The following RELN variants were observed in gnomAD, a reference collection of about 807,000 sequenced individuals.
RELN encodes the protein reelin.
A neutral mutation model predicts 427.6 loss-of-function variants in RELN; 108 were observed. The ratio of observed to expected loss-of-function variants is 0.25; its 90% CI spans 0.22 to 0.30. The LOEUF (loss-of-function observed/expected upper bound fraction) is 0.30. Among genes scored for constraint, RELN ranks in the 10% least tolerant of loss-of-function variants. The pLI is 1.00. For missense variants in RELN, 3,715 were observed against 4,302.8 expected (o/e 0.86, Z 3.82); for synonymous variants, 1,524 against 1,513.4 (o/e 1.01, Z -0.16).
intron 8 of RELN, among the ~76,000 whole-genome samples, chr7:103,714,434 A>G (rs943307398): frequency 1.3e-5 from 2 of 152,194 alleles, no homozygotes; most frequent in Admixed American, 6.5e-5. Context: ...TATTTTACCA[A>G]TTCTCTGATC....
chr7:103,509,815 C>A (rs1032567919), intron 51 of RELN, among the ~76,000 whole-genome samples: 3 of 151,502 alleles, frequency 2.0e-5, no homozygotes, highest in African/African-American at 7.3e-5. Context: ...AAAAAAACAT[C>A]AAAAAGTGGT....
chr7:103,577,558 CAAAA>C (rs11323336), intron 28 of RELN, among the ~76,000 whole-genome samples: 4 of 113,584 alleles, frequency 3.5e-5, no homozygotes, highest in East Asian at 2.9e-4. Context: ...AAAGCAAAAG[CAAAA>C]AAAAAAAAAA....
chr7:103,682,280 C>T lies in RELN; in HGVS notation c.1144-19G>A. 6.2e-7 allele frequency: 1 copy of T among 1,613,712 alleles called. No homozygotes were observed. The highest frequency in any genetic ancestry group is 8.5e-7 in the Non-Finnish European group (1 of 1,179,738). On this transcript the variant is annotated intron_variant, in intron 10 of 64. Coordinates refer to ENST00000428762, the MANE Select transcript of RELN (RefSeq NM_005045.4). ...AGCTATGCTGTAGGTGAAAAGAGAG[C>T]ACGGGGTGGCTGTTGAATTGGTGTT...
intron 28 of RELN, among the ~76,000 whole-genome samples, chr7:103,584,780 G>A (rs1272141059): frequency 6.6e-6 from 1 of 152,098 alleles, no homozygotes; most frequent in Non-Finnish European, 1.5e-5. Flanking sequence ...TCTGCACATG[G>A]AACATTCTCA....
intron 20 of RELN, among the ~76,000 whole-genome samples, chr7:103,616,982 C>T (rs1467739293): frequency 1.3e-5 from 2 of 152,208 alleles, no homozygotes; most frequent in East Asian, 1.9e-4. Context: ...GTCAAGCTGC[C>T]CTCCAAAAAG....
chr7:103,707,309 G>A (rs1190114627), intron 8 of RELN, among the ~76,000 whole-genome samples: 2 of 151,776 alleles, frequency 1.3e-5, no homozygotes, highest in East Asian at 1.9e-4. Context: ...AAGAAACTAT[G>A]GAAAGGCACT....
In RELN at chr7:103,791,202, A is replaced by G. The variant is rs184592823; in HGVS notation, c.474-14575T>C. Reference sequence around the variant, plus strand: ...ACTACCTAAATGGATCTACAGATTCAGCATGATACCTCTCAAAATCTCAGC... The same window carrying G: ...ACTACCTAAATGGATCTACAGATTCGGCATGATACCTCTCAAAATCTCAGC... On this transcript the variant is annotated intron_variant, in intron 3 of 64. Transcript: ENST00000428762. Among the ~76,000 whole-genome samples, 5 of 152,332 alleles carry G rather than the reference A, an allele frequency of 3.3e-5. No homozygotes were observed. In the East Asian group the frequency reaches 9.6e-4, roughly 29 times the overall value.
intron 57 of RELN, among the ~76,000 whole-genome samples, chr7:103,494,595 G>C (rs1438297220): frequency 6.7e-6 from 1 of 148,700 alleles, no homozygotes; most frequent in Admixed American, 6.7e-5. Context: ...ATGTTTCCCA[G>C]GATGGTCTTG....
chr7:103,970,543 T>C (rs1482490153), intron 1 of RELN, among the ~76,000 whole-genome samples: 1 of 152,178 alleles, frequency 6.6e-6, no homozygotes, highest in Admixed American at 6.5e-5. Flanking sequence ...CTCCCAAGGA[T>C]AGTGCTGAAA....
rs368509636 is a variant in RELN at position 103,558,178 on chromosome 7, C to T, written c.5530-129G>A. 144 of 638,552 alleles carry T rather than the reference C, an allele frequency of 2.3e-4. 2 individuals are homozygous for T. The South Asian group carries it at 2.4e-3, about 11-fold the overall frequency. 39.6% of individuals were successfully genotyped at this position (638,552 alleles called of 1,614,324 possible). A position where few individuals can be genotyped will look rare whatever the true frequency, so the allele number is the denominator to read the frequency against. On this transcript the variant is annotated intron_variant, in intron 36 of 64. Transcript: ENST00000428762. ...ATCATGATCAAGAAGCAAATTTTGC[C>T]TAGTTTAAAAGGAAAAATGGGATGA...
At chr7:103,512,440 T>C (rs1474741956) in intron 50 of RELN, among the ~76,000 whole-genome samples, 6 of 152,238 alleles carry the variant, frequency 3.9e-5, no homozygotes, top group African/African-American at 1.2e-4. Flanking sequence ...TCTGGATAGA[T>C]ATTTCTTTTA....
At chr7:103,762,901 C>T (rs181801598) in intron 4 of RELN, among the ~76,000 whole-genome samples, 5 of 152,108 alleles carry the variant, frequency 3.3e-5, no homozygotes, top group East Asian at 3.9e-4. Context: ...AGATGACAAA[C>T]GAGGGTAGAA....
intron 2 of RELN, among the ~76,000 whole-genome samples, chr7:103,888,827 A>G (rs1050681211): frequency 2.0e-5 from 3 of 152,226 alleles, no homozygotes; most frequent in African/African-American, 7.2e-5. Flanking sequence ...CACAAACTAC[A>G]CAACACTGCG....
rs376938520 is a variant in RELN at position 103,832,394 on chromosome 7, C to T, written c.473+1143G>A. 1.6e-4 allele frequency among the ~76,000 whole-genome samples: 25 copies of T among 151,774 alleles called. No individual in the cohort carries two copies. In the East Asian group the frequency reaches 4.3e-3, roughly 26 times the overall value. ...CAGGGACAGTTCTAGACAGTTGGGA[C>T]AAATCAGTGAAGAAAAAACAAAAAC... On this transcript the variant is annotated intron_variant, in intron 3 of 64. Transcript: ENST00000428762.
At chr7:103,720,487 A>G (rs62482643) in intron 8 of RELN, among the ~76,000 whole-genome samples, 2,699 of 152,262 alleles carry the variant, frequency 0.018, 45 homozygotes, top group Non-Finnish European at 0.028. Flanking sequence ...TACAGTGAAC[A>G]TTTAACATTT....
At chr7:103,729,807 A>G (rs933955767) in intron 6 of RELN, among the ~76,000 whole-genome samples, 3 of 152,288 alleles carry the variant, frequency 2.0e-5, no homozygotes, top group Non-Finnish European at 4.4e-5. Context: ...AGAACTTAGA[A>G]TAGTGCCTGG....
chr7:103,966,468 A>C (rs753007742), intron 1 of RELN, among the ~76,000 whole-genome samples: 8 of 152,254 alleles, frequency 5.3e-5, no homozygotes, highest in African/African-American at 7.2e-5. Flanking sequence ...CTCCACACAG[A>C]GGTGGTCCAG....
chr7:103,530,035 C>T (rs931058463), intron 46 of RELN, among the ~76,000 whole-genome samples: 4 of 152,002 alleles, frequency 2.6e-5, no homozygotes, highest in African/African-American at 9.7e-5. Context: ...CCTCTCTCTC[C>T]CTCTCTTTTT....
chr7:103,837,527 C>T (rs1793439713), intron 2 of RELN, among the ~76,000 whole-genome samples: 1 of 152,196 alleles, frequency 6.6e-6, no homozygotes, highest in Admixed American at 6.5e-5. Flanking sequence ...CTCTACTAGG[C>T]TAACTTCTAT....
Sources: gnomAD v4.1 joint callset for allele counts (sites outside exome capture counted in the v4.1 genomes callset) on GRCh38, gnomAD v4.1.1 for gene constraint, MANE v1.5 for transcripts, NCBI Gene and HGNC (gene_info 2026-07-23, HGNC 2026-07-21) for gene names.